The following ACSBG2 variants were observed in gnomAD, a reference collection of about 807,000 sequenced individuals.
The protein encoded by ACSBG2 is acyl-CoA synthetase bubblegum family member 2, also known as long-chain-fatty-acid--CoA ligase ACSBG2.
In ACSBG2, 62 loss-of-function variants were observed where a neutral mutation model predicts 74.7. That is an observed-to-expected ratio of 0.83 (90% CI 0.68 to 1.03). ACSBG2 has a LOEUF of 1.03. Among genes scored for constraint, ACSBG2 ranks in the 50% least tolerant of loss-of-function variants. The probability of loss-of-function intolerance (pLI) is 0.00; values close to 1 mark genes in which losing one functional copy is unlikely to be tolerated. For missense variants in ACSBG2, 730 were observed against 817.6 expected (o/e 0.89, Z 1.31); for synonymous variants, 309 against 294.1 (o/e 1.05, Z -0.52).
chr19:6,147,276 A>G (rs1165467068), intron 2 of ACSBG2, among the ~76,000 whole-genome samples, 170 bp from the exon 3 acceptor site: 1 of 152,222 alleles, frequency 6.6e-6, no homozygotes, highest in African/African-American at 2.4e-5. Context: ...GAAAAAATAA[A>G]TAAAGAGAAA....
chr19:6,169,984 T>C (rs1185947769), intron 7 of ACSBG2, among the ~76,000 whole-genome samples: 1 of 152,176 alleles, frequency 6.6e-6, no homozygotes, highest in African/African-American at 2.4e-5. Flanking sequence ...GAGGAATCTT[T>C]AGGGTTTTCT....
chr19:6,187,459 C>A lies in ACSBG2; in HGVS notation c.1680+37C>A, dbSNP rs1035820824. ...TTGCTGTCATTGGGGGAAGTCTCTGCAGCCGGTCTTGGGTTCCCTGGCCCC... is the reference window on the plus strand; with the variant it reads ...TTGCTGTCATTGGGGGAAGTCTCTGAAGCCGGTCTTGGGTTCCCTGGCCCC... On this transcript the variant is annotated intron_variant, in intron 12 of 14. Transcript: ENST00000588485. 9 of 1,611,318 alleles carry A rather than the reference C, an allele frequency of 5.6e-6. No homozygotes were observed. In the African/African-American group the frequency reaches 9.3e-5, roughly 17 times the overall value.
intron 5 of ACSBG2, 151 bp downstream of exon 5, chr19:6,156,702 G>A: frequency 1.3e-6 from 1 of 756,836 alleles, no homozygotes; most frequent in South Asian, 4.4e-5. Context: ...TAGTATATGT[G>A]GTGAAGCTAT....
At chr19:6,185,410 G>A in intron 10 of ACSBG2, 26 bp from the exon 11 acceptor site, 1 of 1,613,000 alleles carries the variant, frequency 6.2e-7, no homozygotes, top group African/African-American at 1.3e-5. Context: ...CTATGAGCCT[G>A]TTTCTCTGCT....
At chr19:6,192,087 A>AAAAAAAAAAAAAAAAAAAAC (rs2090581047) in intron 14 of ACSBG2, 1 of 151,828 alleles carries the variant, frequency 6.6e-6, no homozygotes, top group African/African-American at 2.4e-5. Context: ...AAAAAAAAAA[A>AAAAAAAAAAAAAAAAAAAAC]AAAAAAAAAT....
At chr19:6,186,417 T>C (rs1034730164) in intron 11 of ACSBG2, among the ~76,000 whole-genome samples, 1 of 152,244 alleles carries the variant, frequency 6.6e-6, no homozygotes, top group Admixed American at 6.5e-5. Context: ...GTAAAATTCA[T>C]TTTTAGCTTT....
At chr19:6,190,782 C>A in intron 14 of ACSBG2, 90 bp downstream of exon 14, 1 of 670,026 alleles carries the variant, frequency 1.5e-6, no homozygotes, top group Non-Finnish European at 2.7e-6. Context: ...GTGACTGGAA[C>A]TGCAGAAAAC....
chr19:6,181,056 A>G (rs1301704374), intron 8 of ACSBG2, among the ~76,000 whole-genome samples: 1 of 150,838 alleles, frequency 6.6e-6, no homozygotes, highest in Non-Finnish European at 1.5e-5. Flanking sequence ...AAAAAAAAAA[A>G]AAAAAAGAAA....
At chr19:6,140,841 T>C (rs917820916) in intron 1 of ACSBG2, among the ~76,000 whole-genome samples, 5 of 152,222 alleles carry the variant, frequency 3.3e-5, no homozygotes, top group African/African-American at 1.2e-4. Flanking sequence ...TGCATCATAT[T>C]TTCTGTTGTA....
At position 6,182,908 on chromosome 19, in the gene ACSBG2, A is replaced by C; in HGVS notation, c.1064A>C (p.Lys355Thr). The C allele has an allele frequency of 6.2e-7, 1 of 1,614,204 alleles. No individual in the cohort carries two copies. The highest frequency in any genetic ancestry group is 8.5e-7 in the Non-Finnish European group (1 of 1,180,028). Reference protein sequence around the residue: ...AFVWARNIGFKVNSKKMLGKY... With the variant: ...AFVWARNIGFTVNSKKMLGKY... The stretch of plus-strand genomic sequence containing the variant: ...GTGTGGGCAAGAAACATTGGCTTCA[A>C]GGTCAACTCAAAAAAGATGTTGGGG... The change falls in exon 9 of 15, where the codon AAG becomes ACG. Residue 355 changes from lysine to threonine, a missense_variant. Lys to Thr is a moderately conservative substitution (Grantham distance 78). Coordinates refer to ENST00000588485, the MANE Select transcript of ACSBG2 (RefSeq NM_030924.5).
chr19:6,163,164 A>C (rs560884752), intron 6 of ACSBG2, among the ~76,000 whole-genome samples: 32 of 124,040 alleles, frequency 2.6e-4, no homozygotes, highest in African/African-American at 4.2e-4. Context: ...TAATAATAAT[A>C]ATCGCCCAAG....
At position 6,177,375 on chromosome 19, in the gene ACSBG2, T is replaced by A; in HGVS notation, c.885T>A (p.Phe295Leu). 1.2e-6 allele frequency: 2 copies of A among 1,603,382 alleles called. No homozygotes were observed. The highest frequency in any genetic ancestry group is 1.7e-6 in the Non-Finnish European group (2 of 1,175,360). ...TAAAGATTGGGGCGCTCACATACTT[T>A]GCTCAAGCAGATGCTCTCAAGGTAA... ...VPIKIGALTY[F>L]AQADALKGTL... Residue 295 changes from phenylalanine to leucine, a missense_variant, in exon 8 of 15, where the codon TTT becomes TTA. Physicochemically the swap from Phe to Leu is conservative, Grantham distance 22. Coordinates refer to ENST00000588485, the MANE Select transcript of ACSBG2 (RefSeq NM_030924.5).
At chr19:6,167,241 G>T (rs142734491) in intron 7 of ACSBG2, among the ~76,000 whole-genome samples, 38 of 152,302 alleles carry the variant, frequency 2.5e-4, no homozygotes, top group African/African-American at 8.9e-4. Context: ...TTGGAATCCT[G>T]GCTTTGCTAC....
chr19:6,182,105 G>A (rs1180340638), intron 8 of ACSBG2, among the ~76,000 whole-genome samples: 1 of 151,920 alleles, frequency 6.6e-6, no homozygotes, highest in Non-Finnish European at 1.5e-5. Context: ...TTAAAATCAG[G>A]TAGTAAGTCC....
intron 5 of ACSBG2, 148 bp from the exon 6 acceptor site, chr19:6,161,067 T>C (rs2089592159): frequency 1.9e-6 from 1 of 539,574 alleles, no homozygotes; most frequent in Middle Eastern, 4.0e-4. Context: ...GCCAATGCAC[T>C]CCAGCCTGGG....
At chr19:6,170,502 A>G (rs1246143326) in intron 7 of ACSBG2, among the ~76,000 whole-genome samples, 1 of 152,170 alleles carries the variant, frequency 6.6e-6, no homozygotes, top group Non-Finnish European at 1.5e-5. Context: ...TGTTTACCCA[A>G]AAGTCATTAA....
At chr19:6,188,693 G>A (rs751821159) in intron 13 of ACSBG2, among the ~76,000 whole-genome samples, 4 of 152,140 alleles carry the variant, frequency 2.6e-5, no homozygotes, top group East Asian at 1.9e-4. Flanking sequence ...GAAGCCAACC[G>A]AGATGGAAGG....
At chr19:6,169,751 T>C (rs1451426179) in intron 7 of ACSBG2, among the ~76,000 whole-genome samples, 1 of 152,238 alleles carries the variant, frequency 6.6e-6, no homozygotes, top group African/African-American at 2.4e-5. Flanking sequence ...CTGTGATTTC[T>C]TTCATCAATG....
chr19:6,148,120 G>C (rs1377783722), intron 3 of ACSBG2: 1 of 179,352 alleles, frequency 5.6e-6, no homozygotes, highest in East Asian at 1.6e-4. Context: ...CTTTGAAATT[G>C]GGTTCTTCTG....
Sources: allele counts gnomAD v4.1 joint callset (sites outside exome capture counted in the v4.1 genomes callset), GRCh38; gene constraint gnomAD v4.1.1; transcripts MANE v1.5; gene names NCBI Gene and HGNC (gene_info 2026-07-23, HGNC 2026-07-21).